PRDM5: variants seen among roughly 807,000 people sequenced by gnomAD.
PRDM5 encodes PR domain zinc finger protein 5.
A neutral mutation model predicts 81.2 loss-of-function variants in PRDM5; 56 were observed. The observed-to-expected ratio is 0.69, with a 90% CI of 0.56 to 0.86. The LOEUF (loss-of-function observed/expected upper bound fraction) is 0.86, where lower values mean the gene tolerates loss of function less well. PRDM5 is among the 40% of genes least tolerant of loss of function. PRDM5 has a pLI of 0.00. For missense variants in PRDM5, 697 were observed against 770.1 expected, an observed-to-expected ratio of 0.91 and a Z score of 1.12; for synonymous variants, 267 against 256.4, an observed-to-expected ratio of 1.04 and a Z score of -0.39.
At chr4:120,820,892 G>T (rs1194137320) in intron 4 of PRDM5, among the ~76,000 whole-genome samples, 1 of 152,176 alleles carries the variant, frequency 6.6e-6, no homozygotes, top group Non-Finnish European at 1.5e-5. Flanking sequence ...ACCCCAATGC[G>T]CCAGTGAGAG....
chr4:120,827,806 C>T (rs1756198449), intron 3 of PRDM5, among the ~76,000 whole-genome samples: 1 of 152,024 alleles, frequency 6.6e-6, no homozygotes, highest in Non-Finnish European at 1.5e-5. Context: ...GGCTTTGGAA[C>T]CCGATTAGGA....
intron 14 of PRDM5, among the ~76,000 whole-genome samples, chr4:120,741,540 C>A (rs1741958301): frequency 6.6e-6 from 1 of 151,710 alleles, no homozygotes; most frequent in South Asian, 2.1e-4. Flanking sequence ...TAGGGAGTGC[C>A]AGACAGTGAG....
intron 14 of PRDM5, among the ~76,000 whole-genome samples, chr4:120,735,488 C>T (rs1002560107): frequency 6.6e-6 from 1 of 152,060 alleles, no homozygotes; most frequent in African/African-American, 2.4e-5. Context: ...AAAGGAGGCA[C>T]TTACAGGACA....
intron 13 of PRDM5, among the ~76,000 whole-genome samples, chr4:120,770,636 G>A (rs1394183393): frequency 3.3e-5 from 5 of 151,840 alleles, no homozygotes; most frequent in Non-Finnish European, 5.9e-5. Context: ...GGACAAAAAG[G>A]TTGTGTCCAG....
At chr4:120,811,126 T>TA in intron 8 of PRDM5, among the ~76,000 whole-genome samples, 1 of 152,132 alleles carries the variant, frequency 6.6e-6, no homozygotes, top group South Asian at 2.1e-4. Flanking sequence ...GTTATAATAA[T>TA]AAAATATAGT....
chr4:120,784,853 C>A, intron 11 of PRDM5, 145 bp downstream of exon 11: 2 of 514,282 alleles, frequency 3.9e-6, no homozygotes, highest in Non-Finnish European at 6.7e-6. Context: ...AAGTGAAAGG[C>A]AGAATTTTCG....
chr4:120,907,366 A>G, intron 2 of PRDM5, 108 bp downstream of exon 2: 1 of 975,098 alleles, frequency 1.0e-6, no homozygotes, highest in Admixed American at 2.2e-5. Flanking sequence ...AAACATTTCA[A>G]TACTTAAATA....
Position 120,896,657 on chromosome 4 carries a change from TCACACACACACACA to T in PRDM5, c.177+10803_177+10816del, listed in dbSNP as rs374407164. ...TGCAACATCCCTGTGCTTAAATATT[TCACACACACACACA>T]CACACACACACACACACATAATTTT... On this transcript the variant is annotated intron_variant, in intron 2 of 15. Coordinates refer to ENST00000264808, the MANE Select transcript of PRDM5 (RefSeq NM_018699.4). The T allele has an allele frequency of 4.8e-5, 7 of 144,898 alleles. No individual in the cohort carries two copies. The East Asian group carries it at 6.2e-4, about 13-fold the overall frequency. The allele number at this position is 144,898 out of a possible 1,614,324, so 9.0% of individuals were successfully genotyped here. A position where few individuals can be genotyped will look rare whatever the true frequency, so the allele number is the denominator to read the frequency against.
At chr4:120,906,728 A>C (rs1367272373) in intron 2 of PRDM5, among the ~76,000 whole-genome samples, 1 of 152,080 alleles carries the variant, frequency 6.6e-6, no homozygotes, top group Non-Finnish European at 1.5e-5. Flanking sequence ...TAGTGTTACA[A>C]CTCCTTAACT....
intron 10 of PRDM5, among the ~76,000 whole-genome samples, chr4:120,788,347 G>A (rs1245783473): frequency 3.3e-5 from 5 of 152,118 alleles, no homozygotes; most frequent in South Asian, 2.1e-4. Context: ...CATTTAAGCC[G>A]CATACATATA....
chr4:120,884,065 G>A (rs1465315283), intron 2 of PRDM5, among the ~76,000 whole-genome samples: 1 of 151,996 alleles, frequency 6.6e-6, no homozygotes, highest in African/African-American at 2.4e-5. Context: ...ATCTATTAGT[G>A]AAAAAACAAA....
intron 2 of PRDM5, among the ~76,000 whole-genome samples, chr4:120,877,986 G>C (rs953038230): frequency 6.6e-6 from 1 of 152,062 alleles, no homozygotes; most frequent in Non-Finnish European, 1.5e-5. Flanking sequence ...TAACCACCTT[G>C]TTTTCAGATT....
At chr4:120,799,920 T>C (rs1262056503) in intron 8 of PRDM5, among the ~76,000 whole-genome samples, 175 bp from the exon 9 acceptor site, 2 of 152,196 alleles carry the variant, frequency 1.3e-5, no homozygotes, top group African/African-American at 2.4e-5. Context: ...GCAGTGGACA[T>C]AAGTTATGTA....
At chr4:120,739,033 G>A (rs886386109) in intron 14 of PRDM5, among the ~76,000 whole-genome samples, 5 of 152,096 alleles carry the variant, frequency 3.3e-5, no homozygotes, top group African/African-American at 1.2e-4. Flanking sequence ...TTATCTGAAG[G>A]CTCAACTAAG....
intron 2 of PRDM5, among the ~76,000 whole-genome samples, chr4:120,888,722 C>T (rs975118900): frequency 1.3e-5 from 2 of 152,142 alleles, no homozygotes; most frequent in African/African-American, 4.8e-5. Flanking sequence ...AACCCAGAAG[C>T]AGTATATGAG....
intron 1 of PRDM5, among the ~76,000 whole-genome samples, chr4:120,914,684 A>G (rs1723901257): frequency 6.6e-6 from 1 of 152,198 alleles, no homozygotes; most frequent in African/African-American, 2.4e-5. Context: ...ACTGCATTGT[A>G]TCAAAAAGAC....
intron 13 of PRDM5, among the ~76,000 whole-genome samples, chr4:120,766,543 T>C (rs1023489401): frequency 2.6e-5 from 4 of 152,212 alleles, no homozygotes; most frequent in Non-Finnish European, 5.9e-5. Context: ...AATTGGTTGA[T>C]ATATCAACAA....
chr4:120,741,585 C>G (rs907102027), intron 14 of PRDM5, among the ~76,000 whole-genome samples: 2 of 152,002 alleles, frequency 1.3e-5, no homozygotes, highest in African/African-American at 4.8e-5. Flanking sequence ...GTGCACGAGC[C>G]GAAGCAGGGC....
At chr4:120,763,512 T>G (rs1392021629) in intron 13 of PRDM5, among the ~76,000 whole-genome samples, 4 of 152,026 alleles carry the variant, frequency 2.6e-5, no homozygotes, top group African/African-American at 9.7e-5. Flanking sequence ...AGCAGAAAGA[T>G]CTGAACAATC....
Sources: gnomAD v4.1 joint callset for allele counts (sites outside exome capture counted in the v4.1 genomes callset) on GRCh38, gnomAD v4.1.1 for gene constraint, MANE v1.5 for transcripts, NCBI Gene and HGNC (gene_info 2026-07-23, HGNC 2026-07-21) for gene names.